CHLSN: variants seen among roughly 807,000 people sequenced by gnomAD.
CHLSN encodes protein cholesin.
chr7:1,098,768 C>T, the CHLSN span, among the ~76,000 whole-genome samples: 3 of 152,186 alleles, frequency 2.0e-5, no homozygotes, highest in Admixed American at 6.5e-5. Flanking sequence ...CAATGTGAAA[C>T]GTGCAGGGCA....
At chr7:1,044,855 G>A in the CHLSN span, among the ~76,000 whole-genome samples, 2 of 152,174 alleles carry the variant, frequency 1.3e-5, no homozygotes, top group East Asian at 1.9e-4. Flanking sequence ...GCCGCGCTCC[G>A]AGCTGAGCCC....
At chr7:1,136,449 T>C in the CHLSN span, among the ~76,000 whole-genome samples, 5 of 120,480 alleles carry the variant, frequency 4.2e-5, 1 homozygote, top group African/African-American at 1.8e-4. Context: ...TATAAATATA[T>C]ATAAACATAT....
At chr7:1,022,256 C>T in the CHLSN span, among the ~76,000 whole-genome samples, 1 of 152,172 alleles carries the variant, frequency 6.6e-6, no homozygotes, top group Non-Finnish European at 1.5e-5. Context: ...CACCCACGGG[C>T]GCCTCCTGGA....
At chr7:1,045,654 A>T in the CHLSN span, 10 of 152,370 alleles carry the variant, frequency 6.6e-5, no homozygotes, top group East Asian at 1.9e-3. Flanking sequence ...GTGCACACTC[A>T]CAGTACCCAT....
chr7:1,107,708 G>T, the CHLSN span, among the ~76,000 whole-genome samples: 2 of 152,244 alleles, frequency 1.3e-5, no homozygotes, highest in African/African-American at 4.8e-5. Context: ...AATCCCACCA[G>T]TGGCCTGCAG....
the CHLSN span, among the ~76,000 whole-genome samples, chr7:1,008,844 C>CACACACGTAA: frequency 0.34 from 47,834 of 138,758 alleles, 7,881 homozygotes; most frequent in African/African-American, 0.43. Flanking sequence ...TATACACACG[C>CACACACGTAA]ACACACGTAA....
chr7:1,105,406 T>C, the CHLSN span, among the ~76,000 whole-genome samples: 2 of 152,188 alleles, frequency 1.3e-5, no homozygotes, highest in Non-Finnish European at 2.9e-5. Flanking sequence ...GAGCAGGTGC[T>C]TGAGAACAAC....
the CHLSN span, chr7:1,045,318 C>G: frequency 6.6e-6 from 1 of 152,274 alleles, no homozygotes; most frequent in Non-Finnish European, 1.5e-5. Flanking sequence ...GAGGATAATT[C>G]TGTATTCGTC....
the CHLSN span, among the ~76,000 whole-genome samples, chr7:1,136,644 ATGTG>A: frequency 1.4e-5 from 2 of 146,634 alleles, no homozygotes; most frequent in Admixed American, 1.4e-4. Flanking sequence ...ATATATGCGG[ATGTG>A]TGTATAAACT....
chr7:1,104,496 G>A, the CHLSN span, among the ~76,000 whole-genome samples: 3 of 152,194 alleles, frequency 2.0e-5, no homozygotes, highest in South Asian at 2.1e-4. Flanking sequence ...CCTGACGCCC[G>A]CATGTCAGTA....
the CHLSN span, among the ~76,000 whole-genome samples, chr7:1,039,052 G>GT: frequency 1.2e-5 from 1 of 82,008 alleles, no homozygotes; most frequent in Non-Finnish European, 2.6e-5. Context: ...CGTCCGGGAG[G>GT]GAGGTGGGGG....
the CHLSN span, among the ~76,000 whole-genome samples, chr7:1,105,794 A>G: frequency 7.2e-5 from 11 of 152,158 alleles, no homozygotes; most frequent in African/African-American, 2.7e-4. Context: ...CTCTTTCTAA[A>G]TGTTTTCATG....
the CHLSN span, among the ~76,000 whole-genome samples, chr7:983,707 G>A: frequency 6.6e-6 from 1 of 152,248 alleles, no homozygotes; most frequent in African/African-American, 2.4e-5. Flanking sequence ...GGACAGCAGA[G>A]GGGAGGAGGG....
At chr7:1,062,822 G>A in the CHLSN span, among the ~76,000 whole-genome samples, 1 of 152,198 alleles carries the variant, frequency 6.6e-6, no homozygotes, top group Non-Finnish European at 1.5e-5. Context: ...AGTGAAGGAA[G>A]AGCAGAGAAT....
At chr7:1,021,355 C>G in the CHLSN span, 1 of 985,014 alleles carries the variant, frequency 1.0e-6, no homozygotes, top group Non-Finnish European at 1.2e-6. Context: ...GGCAGTAGGA[C>G]CTGACCTTGA....
the CHLSN span, among the ~76,000 whole-genome samples, chr7:1,070,863 C>T: frequency 6.8e-6 from 1 of 146,878 alleles, no homozygotes; most frequent in Non-Finnish European, 1.5e-5. Context: ...GACATGCACA[C>T]GGGTGCGCAC....
the CHLSN span, among the ~76,000 whole-genome samples, chr7:1,011,284 C>T: frequency 7.0e-6 from 1 of 143,866 alleles, no homozygotes; most frequent in African/African-American, 2.6e-5. Context: ...CAGATACCCA[C>T]ACATAGACCA....
the CHLSN span, among the ~76,000 whole-genome samples, chr7:1,115,841 CCGACGCCCACGCAGGA>C: frequency 1.7e-5 from 2 of 114,320 alleles, no homozygotes; most frequent in African/African-American, 3.3e-5. Flanking sequence ...GCTTCCATCA[CCGACGCCCACGCAGGA>C]TGATGACATC....
chr7:1,093,053 T>G, the CHLSN span: 2 of 711,630 alleles, frequency 2.8e-6, no homozygotes, highest in Non-Finnish European at 5.2e-6. Flanking sequence ...CACCTTGCAC[T>G]CCTCACACAG....
Sources: allele counts gnomAD v4.1 joint callset (sites outside exome capture counted in the v4.1 genomes callset), GRCh38; gene constraint gnomAD v4.1.1; transcripts MANE v1.5; gene names NCBI Gene and HGNC (gene_info 2026-07-23, HGNC 2026-07-21).